VASH2: variants seen among roughly 807,000 people sequenced by gnomAD.
VASH2 encodes the protein tubulinyl-Tyr carboxypeptidase 2.
A neutral mutation model predicts 37.2 loss-of-function variants in VASH2; 28 were observed. That is an observed-to-expected ratio of 0.75 (90% CI 0.56 to 1.03). VASH2 has a LOEUF of 1.03. VASH2 is among the 50% of genes least tolerant of loss of function. VASH2 has a pLI of 0.00. For missense variants in VASH2, 419 were observed against 459.1 expected, an observed-to-expected ratio of 0.91 and a Z score of 0.80; for synonymous variants, 188 against 174.7, an observed-to-expected ratio of 1.08 and a Z score of -0.60.
At chr1:212,968,969 T>C (rs1411582033) in intron 5 of VASH2, 23 of 985,312 alleles carry the variant, frequency 2.3e-5, no homozygotes, top group Non-Finnish European at 2.5e-5. Flanking sequence ...TTGCGCATCA[T>C]GCCACTGGAA....
chr1:212,968,616 T>A, intron 5 of VASH2: 1 of 985,488 alleles, frequency 1.0e-6, no homozygotes, highest in Non-Finnish European at 1.2e-6. Context: ...TCCTCCTCCC[T>A]GTTTCCCACA....
Position 212,966,407 on chromosome 1 carries a change from G to T in VASH2, c.497+62G>T, listed in dbSNP as rs550520981. Reference sequence around the variant, plus strand: ...AAATGGCGGCTTCACAATGGGGCTTGTTGTGCCTTTAACATTGTAAATTCT... The same window carrying T: ...AAATGGCGGCTTCACAATGGGGCTTTTTGTGCCTTTAACATTGTAAATTCT... On this transcript the variant is annotated intron_variant, in intron 5 of 7. Transcript: ENST00000517399. 4.7e-5 allele frequency: 63 copies of T among 1,343,170 alleles called. No individual in the cohort carries two copies. The African/African-American group carries it at 8.3e-4, about 18-fold the overall frequency. 83.2% of individuals were successfully genotyped at this position (1,343,170 alleles called of 1,614,324 possible). A position where few individuals can be genotyped will look rare whatever the true frequency, so the allele number is the denominator to read the frequency against.
chr1:212,966,884 T>G, intron 5 of VASH2: 1 of 364,160 alleles, frequency 2.7e-6, no homozygotes, highest in Non-Finnish European at 5.4e-6. Context: ...CAGGCCACCA[T>G]GCCCGGCTAA....
In VASH2 at chr1:212,974,039, C is replaced by G; in HGVS notation, c.964C>G (p.Pro322Ala). The G allele has an allele frequency of 6.2e-7, 1 of 1,613,652 alleles. No individual in the cohort carries two copies. The highest frequency in any genetic ancestry group is 8.5e-7 in the Non-Finnish European group (1 of 1,179,706). Residue 322 changes from proline (P) to alanine (A), a missense_variant, in exon 7 of 8, where the codon CCC (proline) becomes GCC (alanine). By Grantham distance (27) the Pro-to-Ala change is conservative. This residue lies in a region of VASH2 where 177 missense variants were observed against 166.2 expected (regional missense o/e 1.06). Coordinates refer to ENST00000517399, the MANE Select transcript of VASH2 (RefSeq NM_001301056.2). The part of the protein sequence containing the change: ...SLSPRRRQAS[P>A]PRRLGRREKS... ...GTCCCCCAGAAGGAGACAGGCAAGC[C>G]CCCCGAGGAGGCTCGGCCGGCGAGA... is the stretch of plus-strand genomic sequence containing the variant.
At chr1:212,979,131 G>T (rs575601036) in intron 7 of VASH2, among the ~76,000 whole-genome samples, 92 of 152,324 alleles carry the variant, frequency 6.0e-4, no homozygotes, top group African/African-American at 2.2e-3. Flanking sequence ...CTAGATTCCA[G>T]CTCCCGCCAT....
intron 7 of VASH2, among the ~76,000 whole-genome samples, chr1:212,983,461 T>C (rs928944883): frequency 6.6e-6 from 1 of 152,218 alleles, no homozygotes; most frequent in African/African-American, 2.4e-5. Flanking sequence ...AAAGTCATCC[T>C]TTTATAAGAA....
Position 212,988,759 on chromosome 1 carries a change from A to C in VASH2, c.*175A>C. 1.5e-6 allele frequency: 1 copy of C among 682,336 alleles called. No homozygotes were observed. The highest frequency in any genetic ancestry group is 2.5e-6 in the Non-Finnish European group (1 of 403,940). The allele number at this position is 682,336 out of a possible 1,614,324, so 42.3% of individuals were successfully genotyped here. A position where few individuals can be genotyped will look rare whatever the true frequency, so the allele number is the denominator to read the frequency against. ...ACCATTAGCTTTAAAAAATTCACTA[A>C]AAGGCACCATGAAAAGGCTGAAGTA... On this transcript the variant is annotated 3_prime_UTR_variant, in exon 8 of 8. Coordinates refer to ENST00000517399, the MANE Select transcript of VASH2 (RefSeq NM_001301056.2).
At chr1:212,965,619 C>CA in intron 3 of VASH2, 103 bp from the exon 4 acceptor site, 1 of 1,109,512 alleles carries the variant, frequency 9.0e-7, no homozygotes, top group Non-Finnish European at 1.3e-6. Flanking sequence ...TGAAAGCCCT[C>CA]ACATCCTCAT....
intron 7 of VASH2, among the ~76,000 whole-genome samples, chr1:212,975,889 A>G (rs974176768): frequency 6.6e-6 from 1 of 152,174 alleles, no homozygotes. Flanking sequence ...CTGGCAATGG[A>G]TTCCTGCACA....
chr1:212,955,787 G>T (rs1467737027), intron 2 of VASH2, among the ~76,000 whole-genome samples: 2 of 152,220 alleles, frequency 1.3e-5, no homozygotes, highest in Non-Finnish European at 2.9e-5. Context: ...AGACCTGGCT[G>T]CAGTCAAGGG....
At position 212,972,928 on chromosome 1, in the gene VASH2, G is replaced by A; in HGVS notation, c.846G>A (p.Glu282=). 1.2e-6 allele frequency: 2 copies of A among 1,613,664 alleles called. No individual in the cohort carries two copies. Among genetic ancestry groups the A allele is most frequent in the Non-Finnish European group, 1.7e-6 (2 of 1,180,036 alleles). The change falls in exon 6 of 8, where the codon GAG becomes GAA. Residue 282 remains glutamate (E), a synonymous_variant. Coordinates refer to ENST00000517399, the MANE Select transcript of VASH2 (RefSeq NM_001301056.2). ...SKMLRADIRK[E]LEKYARDMRM... ...TGCTGAGGGCTGACATAAGGAAGGAGCTGGAGAAATATGCCAGGGACATGA... is the reference window on the plus strand; with the variant it reads ...TGCTGAGGGCTGACATAAGGAAGGAACTGGAGAAATATGCCAGGGACATGA...
intron 2 of VASH2, among the ~76,000 whole-genome samples, chr1:212,959,968 G>A (rs976142595): frequency 3.3e-5 from 5 of 152,216 alleles, no homozygotes; most frequent in Admixed American, 3.3e-4. Flanking sequence ...CCCCACCCAC[G>A]TGGGCTGAGA....
At chr1:212,975,941 C>T (rs866184201) in intron 7 of VASH2, among the ~76,000 whole-genome samples, 1 of 152,126 alleles carries the variant, frequency 6.6e-6, no homozygotes, top group Non-Finnish European at 1.5e-5. Flanking sequence ...CTGGTGGATC[C>T]GTTTTACTTG....
chr1:212,956,630 C>T (rs925687018), intron 2 of VASH2, among the ~76,000 whole-genome samples: 10 of 152,288 alleles, frequency 6.6e-5, no homozygotes, highest in Admixed American at 5.2e-4. Flanking sequence ...AAAGGTTGCA[C>T]CAATTTATGT....
At chr1:212,959,084 TTCTC>T (rs1339833582) in intron 2 of VASH2, among the ~76,000 whole-genome samples, 2 of 152,212 alleles carry the variant, frequency 1.3e-5, no homozygotes, top group Non-Finnish European at 2.9e-5. Flanking sequence ...CTCCTGGGCT[TTCTC>T]TCTCGTTCGT....
chr1:212,973,405 C>T, intron 6 of VASH2: 1 of 1,291,808 alleles, frequency 7.7e-7, no homozygotes, highest in South Asian at 1.2e-5. Context: ...GTGATTCCCG[C>T]TTGTCCATGT....
intron 3 of VASH2, among the ~76,000 whole-genome samples, chr1:212,964,134 T>C (rs1012109781): frequency 3.9e-5 from 6 of 152,140 alleles, no homozygotes; most frequent in African/African-American, 1.4e-4. Flanking sequence ...TCATCTAAGG[T>C]GAGGTGACTC....
intron 7 of VASH2, among the ~76,000 whole-genome samples, chr1:212,987,039 G>C (rs1372330882): frequency 6.6e-6 from 1 of 151,974 alleles, no homozygotes; most frequent in Non-Finnish European, 1.5e-5. Context: ...TTCAGAGAGA[G>C]AGAGAGAGAG....
rs528234042 is a variant in VASH2, at chr1:212,975,760, G to A, written c.995+1690G>A. ...TTTATTATCTGTTTTGCCCAAGGAGGGCTGAGTCATTCCCTGAGGAGCTCC... is the reference window on the plus strand; with the variant it reads ...TTTATTATCTGTTTTGCCCAAGGAGAGCTGAGTCATTCCCTGAGGAGCTCC... On this transcript the variant is annotated intron_variant, in intron 7 of 7. Transcript: ENST00000517399. 4.6e-5 allele frequency among the ~76,000 whole-genome samples: 7 copies of A among 152,322 alleles called. No homozygotes were observed. In the East Asian group the frequency reaches 1.3e-3, roughly 29 times the overall value.
Sources: gnomAD v4.1 joint callset for allele counts (sites outside exome capture counted in the v4.1 genomes callset) on GRCh38, gnomAD v4.1.1 for gene constraint, gnomAD v4.1.1 regional missense constraint, MANE v1.5 for transcripts, NCBI Gene and HGNC (gene_info 2026-07-23, HGNC 2026-07-21) for gene names.